The following TDRD3 variants were observed in gnomAD, a reference collection of about 807,000 sequenced individuals.
TDRD3 encodes the protein tudor domain-containing protein 3.
Under a neutral mutation model 86.7 loss-of-function variants are expected in TDRD3, and 45 were observed. The ratio of observed to expected loss-of-function variants is 0.52; its 90% CI spans 0.41 to 0.67. The LOEUF (loss-of-function observed/expected upper bound fraction) is 0.67, where lower values mean the gene tolerates loss of function less well. TDRD3 is among the 30% of genes least tolerant of loss of function. The probability of loss-of-function intolerance (pLI) is 0.00; values close to 1 mark genes in which losing one functional copy is unlikely to be tolerated. For synonymous variants in TDRD3, 298 were observed against 301.7 expected (o/e 0.99, Z 0.13); for missense variants, 814 against 889.0 (o/e 0.92, Z 1.07).
intron 12 of TDRD3, among the ~76,000 whole-genome samples, chr13:60,546,696 C>A (rs1957947417): frequency 6.6e-6 from 1 of 152,074 alleles, no homozygotes; most frequent in Non-Finnish European, 1.5e-5. Context: ...GATTTGGTGT[C>A]TTGATTCTTA....
At chr13:60,452,099 C>T (rs919437775) in intron 3 of TDRD3, among the ~76,000 whole-genome samples, 3 of 152,052 alleles carry the variant, frequency 2.0e-5, no homozygotes, top group Non-Finnish European at 2.9e-5. Context: ...ATCACTGAAC[C>T]GGGAATTAGG....
At chr13:60,431,319 A>G (rs1368637547) in intron 1 of TDRD3, among the ~76,000 whole-genome samples, 1 of 152,030 alleles carries the variant, frequency 6.6e-6, no homozygotes, top group African/African-American at 2.4e-5. Context: ...TTCAAGTAGT[A>G]CAGCTTTCAC....
At chr13:60,464,989 A>G (rs1955887118) in intron 4 of TDRD3, among the ~76,000 whole-genome samples, 1 of 152,226 alleles carries the variant, frequency 6.6e-6, no homozygotes, top group South Asian at 2.1e-4. Flanking sequence ...GGTAATAGAT[A>G]TCTCATTTTT....
chr13:60,432,836 G>A (rs993461653), intron 1 of TDRD3, among the ~76,000 whole-genome samples: 28 of 151,946 alleles, frequency 1.8e-4, no homozygotes, highest in Non-Finnish European at 3.7e-4. Context: ...TTTCTTTGTG[G>A]CTAAGCAAGA....
chr13:60,573,472 G>T, intron 13 of TDRD3, 144 bp from the exon 14 acceptor site: 1 of 400,324 alleles, frequency 2.5e-6, no homozygotes, highest in African/African-American at 2.2e-5. Flanking sequence ...TTACAAATTA[G>T]CAGTATCCAA....
chr13:60,464,925 ATAAT>A (rs1228761146), intron 4 of TDRD3, among the ~76,000 whole-genome samples: 5 of 152,210 alleles, frequency 3.3e-5, no homozygotes, highest in Non-Finnish European at 4.4e-5. Flanking sequence ...ATATTTCAAA[ATAAT>A]TAAAAGAGTA....
At position 60,418,643 on chromosome 13, in the gene TDRD3, T is replaced by A. The variant is rs554344787; in HGVS notation, c.42-21045T>A. Among the ~76,000 whole-genome samples, 3 of 152,112 alleles carry A rather than the reference T, an allele frequency of 2.0e-5. No homozygotes were observed. In the South Asian group the frequency reaches 6.2e-4, roughly 32 times the overall value. On this transcript the variant is annotated intron_variant, in intron 1 of 13. Coordinates refer to ENST00000377881, the MANE Select transcript of TDRD3 (RefSeq NM_001146070.2). ...ATGCACAGCTCTTAAGTGTTTAGCA[T>A]GATAGGTTTTGATAGTTGTGTACGT...
At chr13:60,456,372 G>A (rs1408064955) in intron 3 of TDRD3, among the ~76,000 whole-genome samples, 1 of 152,156 alleles carries the variant, frequency 6.6e-6, no homozygotes, top group East Asian at 1.9e-4. Context: ...GGAGAAGAAG[G>A]AATGATGCCT....
intron 1 of TDRD3, among the ~76,000 whole-genome samples, chr13:60,412,438 G>C (rs1486311456): frequency 2.0e-5 from 3 of 151,946 alleles, no homozygotes; most frequent in Admixed American, 2.0e-4. Flanking sequence ...GGACTTTTCA[G>C]CTTGAAAAGC....
intron 7 of TDRD3, among the ~76,000 whole-genome samples, chr13:60,492,315 G>A (rs1595014518): frequency 7.0e-6 from 1 of 142,116 alleles, no homozygotes; most frequent in East Asian, 1.9e-4. Flanking sequence ...AGGTAATTTT[G>A]TTCTAGTATA....
At chr13:60,451,952 T>TATATG (rs955167327) in intron 3 of TDRD3, among the ~76,000 whole-genome samples, 1 of 152,170 alleles carries the variant, frequency 6.6e-6, no homozygotes, top group African/African-American at 2.4e-5. Context: ...TTGACATCTT[T>TATATG]ATATGATATG....
At chr13:60,464,344 C>A (rs915140489) in intron 4 of TDRD3, among the ~76,000 whole-genome samples, 1 of 152,062 alleles carries the variant, frequency 6.6e-6, no homozygotes, top group Non-Finnish European at 1.5e-5. Flanking sequence ...AACGGTATGG[C>A]GGTTCCTAAG....
chr13:60,401,034 AAGATAAAGGGC>A (rs1954083241), intron 1 of TDRD3, among the ~76,000 whole-genome samples: 1 of 152,176 alleles, frequency 6.6e-6, no homozygotes, highest in Non-Finnish European at 1.5e-5. Flanking sequence ...TAGTCCAGGA[AAGATAAAGGGC>A]TTATTCTGAG....
rs139960412 is a variant in TDRD3 at position 60,533,121 on chromosome 13, T to C, written c.1993-1987T>C. On this transcript the variant is annotated intron_variant, in intron 11 of 13. Transcript: ENST00000377881. ...AAGGAAGAGGGGAGAGATAGGAAGGTATAACAAGAATTCTAAGATGAGGAA... is the reference window on the plus strand; with the variant it reads ...AAGGAAGAGGGGAGAGATAGGAAGGCATAACAAGAATTCTAAGATGAGGAA... Among the ~76,000 whole-genome samples, 1,329 of 152,178 alleles carry C rather than the reference T, an allele frequency of 8.7e-3. 18 individuals are homozygous for C. The highest frequency in any genetic ancestry group is 0.03 in the African/African-American group (1,263 of 41,520).
chr13:60,509,592 C>G (rs1957014022), intron 8 of TDRD3, 171 bp from the exon 9 acceptor site: 6 of 785,876 alleles, frequency 7.6e-6, no homozygotes, highest in Non-Finnish European at 1.2e-5. Flanking sequence ...ACATATCATA[C>G]AGATTCTTCC....
chr13:60,423,877 T>C (rs368516744), intron 1 of TDRD3, among the ~76,000 whole-genome samples: 1 of 151,934 alleles, frequency 6.6e-6, no homozygotes, highest in Admixed American at 6.6e-5. Flanking sequence ...CTAAAAAAGA[T>C]CAAGGTAAGT....
chr13:60,505,891 C>A (rs1956925909), intron 8 of TDRD3, among the ~76,000 whole-genome samples: 1 of 152,020 alleles, frequency 6.6e-6, no homozygotes, highest in Admixed American at 6.5e-5. Context: ...GTGAAAAGAC[C>A]AAACCTACAT....
intron 6 of TDRD3, among the ~76,000 whole-genome samples, chr13:60,484,255 C>G (rs1956380097): frequency 6.6e-6 from 1 of 152,040 alleles, no homozygotes; most frequent in African/African-American, 2.4e-5. Context: ...AAGCAGCCCC[C>G]CTTCTGACCA....
chr13:60,454,738 G>T (rs1478394294), intron 3 of TDRD3, among the ~76,000 whole-genome samples: 3 of 152,022 alleles, frequency 2.0e-5, no homozygotes, highest in Non-Finnish European at 4.4e-5. Flanking sequence ...GTTCACCCTA[G>T]ATGCGTACAT....
Sources: gnomAD v4.1 joint callset for allele counts (sites outside exome capture counted in the v4.1 genomes callset) on GRCh38, gnomAD v4.1.1 for gene constraint, MANE v1.5 for transcripts, NCBI Gene and HGNC (gene_info 2026-07-23, HGNC 2026-07-21) for gene names.